The following VDR variants were observed in gnomAD, a reference collection of about 807,000 sequenced individuals.
VDR encodes the protein vitamin D receptor, also known as vitamin D3 receptor.
In VDR, 19 loss-of-function variants were observed where a neutral mutation model predicts 39.7. The observed-to-expected ratio is 0.48, with a 90% CI of 0.33 to 0.70. VDR has a LOEUF of 0.70. VDR is among the 30% of genes least tolerant of loss of function. VDR has a pLI of 0.02. For synonymous variants in VDR, 242 were observed against 215.8 expected (o/e 1.12, Z -1.07); for missense variants, 442 against 570.5 (o/e 0.77, Z 2.29).
rs200296058 is a variant in VDR, at chr12:47,855,665, C to A, written c.720G>T (p.Lys240Asn). The change falls in exon 7 of 10, where the codon AAG becomes AAT. Residue 240 changes from lysine to asparagine, a missense_variant. Physicochemically the swap from Lys to Asn is moderately conservative, Grantham distance 94. Coordinates refer to ENST00000549336, the MANE Select transcript of VDR (RefSeq NM_000376.3). ...LADLVSYSIQ[K>N]VIGFAKMIPG... ...GTATCATCTTAGCAAAGCCAATGAC[C>A]TTTTGGATGCTGTAACTGACCAGGT... The A allele has an allele frequency of 3.7e-5, 60 of 1,614,120 alleles. No individual in the cohort carries two copies. In the African/African-American group the frequency reaches 6.3e-4, roughly 17 times the overall value.
intron 4 of VDR, among the ~76,000 whole-genome samples, chr12:47,859,849 CCTTCCTTCCTTCCTTCTTTCCTTCCTT>C (rs1945572611): frequency 1.6e-5 from 1 of 63,004 alleles, no homozygotes. Flanking sequence ...TCCCTTCCTT[CCTTCCTTCCTTCCTTCTTTCCTTCCTT>C]CCTTCCTTCC....
At chr12:47,876,920 G>T (rs951145107) in intron 3 of VDR, among the ~76,000 whole-genome samples, 2 of 152,088 alleles carry the variant, frequency 1.3e-5, no homozygotes, top group East Asian at 3.9e-4. Context: ...CTGAATCTCA[G>T]GGGGGAGGAG....
intron 3 of VDR, among the ~76,000 whole-genome samples, chr12:47,871,769 A>C (rs1280655000): frequency 1.3e-5 from 2 of 152,200 alleles, no homozygotes; most frequent in African/African-American, 2.4e-5. Flanking sequence ...CCAGCCAGGC[A>C]CTGGTTTCTT....
intron 1 of VDR, among the ~76,000 whole-genome samples, chr12:47,886,338 CTAACT>C: frequency 6.6e-6 from 1 of 152,172 alleles, no homozygotes; most frequent in African/African-American, 2.4e-5. Flanking sequence ...CATGACCTAC[CTAACT>C]TTTTGTCTTC....
Position 47,892,522 on chromosome 12 carries a change from G to C in VDR, c.-83-9748C>G, listed in dbSNP as rs372370299. Reference sequence around the variant, plus strand: ...GACACCCCTGGAGGGCCAGGGATAGGATGTGGCGGCATTTCTTCTTGGCCT... The same window carrying C: ...GACACCCCTGGAGGGCCAGGGATAGCATGTGGCGGCATTTCTTCTTGGCCT... On this transcript the variant is annotated intron_variant, in intron 1 of 9. Coordinates refer to ENST00000549336, the MANE Select transcript of VDR (RefSeq NM_000376.3). 1.8e-4 allele frequency among the ~76,000 whole-genome samples: 28 copies of C among 152,342 alleles called. No homozygotes were observed. The East Asian group carries it at 4.4e-3, about 24-fold the overall frequency.
chr12:47,861,232 G>T (rs1185763664), intron 4 of VDR, among the ~76,000 whole-genome samples: 1 of 152,266 alleles, frequency 6.6e-6, no homozygotes, highest in Non-Finnish European at 1.5e-5. Flanking sequence ...TCTGAAGAGT[G>T]TGAAAATAAA....
intron 3 of VDR, among the ~76,000 whole-genome samples, chr12:47,873,056 C>G (rs1240395363): frequency 1.3e-5 from 2 of 152,210 alleles, no homozygotes; most frequent in Non-Finnish European, 2.9e-5. Flanking sequence ...TGGTTTGGCT[C>G]TGTGTCCCCA....
chr12:47,896,402 T>C (rs891428463), intron 1 of VDR, among the ~76,000 whole-genome samples: 2 of 152,118 alleles, frequency 1.3e-5, no homozygotes, highest in Non-Finnish European at 2.9e-5. Flanking sequence ...ATGTTAGTTA[T>C]TGTGTGGAGC....
chr12:47,891,991 G>A (rs990242882), intron 1 of VDR, among the ~76,000 whole-genome samples: 12 of 151,734 alleles, frequency 7.9e-5, no homozygotes, highest in African/African-American at 2.7e-4. Flanking sequence ...AGGTGGCAGC[G>A]AGAACCGTGG....
rs140501237 is a variant in VDR at position 47,892,771 on chromosome 12, C to T, written c.-83-9997G>A. Among the ~76,000 whole-genome samples, 336 of 152,290 alleles carry T rather than the reference C, an allele frequency of 2.2e-3. 2 individuals carry two copies. Among genetic ancestry groups the T allele is most frequent in the Non-Finnish European group, 4.1e-3 (279 of 68,022 alleles). ...CTCCAATTCAGTACGACACATCCTA[C>T]GATCCAGGTAAGTGCCAGGTCTAGA... On this transcript the variant is annotated intron_variant, in intron 1 of 9. Transcript: ENST00000549336.
intron 3 of VDR, among the ~76,000 whole-genome samples, chr12:47,866,170 C>T (rs909895755): frequency 2.6e-5 from 4 of 151,358 alleles, no homozygotes; most frequent in East Asian, 2.0e-4. Flanking sequence ...TGCAGTGTTG[C>T]GATCTCAGCT....
At chr12:47,890,494 G>A (rs985575439) in intron 1 of VDR, among the ~76,000 whole-genome samples, 6 of 151,842 alleles carry the variant, frequency 4.0e-5, no homozygotes, top group Non-Finnish European at 7.4e-5. Context: ...CACCAGGCAG[G>A]TTACATTCAT....
intron 5 of VDR, 67 bp downstream of exon 5, chr12:47,857,437 C>A: frequency 6.2e-7 from 1 of 1,611,754 alleles, no homozygotes; most frequent in South Asian, 1.1e-5. Flanking sequence ...TGTCCCTACT[C>A]CCTGGGCCCT....
At chr12:47,856,981 G>T in intron 6 of VDR, 148 bp downstream of exon 6, 1 of 1,259,778 alleles carries the variant, frequency 7.9e-7, no homozygotes, top group Non-Finnish European at 1.1e-6. Flanking sequence ...CAGAGGGGCT[G>T]TTGTGAAGAC....
Position 47,846,447 on chromosome 12 carries a change from TC to T in VDR, c.911del (p.Gly304AspfsTer6). On this transcript the variant is annotated frameshift_variant, in exon 9 of 10. Transcript: ENST00000549336. LOFTEE classifies it high-confidence loss of function. ...KYRVSDVTKA[G>X]HSLELIEPLI... ...GGGGCTCAATCAGCTCCAGGCTGTG[TC>T]CGGCTGTGAGAGACAATGGCCAGGT... 6.4e-7 allele frequency: 1 copy of T among 1,564,108 alleles called. No homozygotes were observed. The highest frequency in any genetic ancestry group is 1.9e-5 in the Admixed American group (1 of 52,276).
chr12:47,887,777 G>C (rs1196067619), intron 1 of VDR, among the ~76,000 whole-genome samples: 1 of 152,250 alleles, frequency 6.6e-6, no homozygotes, highest in Non-Finnish European at 1.5e-5. Context: ...CAGCAACGCA[G>C]CTCTAAGAAC....
At chr12:47,870,476 G>A (rs182697518) in intron 3 of VDR, among the ~76,000 whole-genome samples, 1 of 152,308 alleles carries the variant, frequency 6.6e-6, no homozygotes, top group East Asian at 1.9e-4. Context: ...GCTCAGGAAG[G>A]GGGGGTAGGG....
At chr12:47,854,814 T>C (rs906361651) in intron 7 of VDR, among the ~76,000 whole-genome samples, 1 of 152,286 alleles carries the variant, frequency 6.6e-6, no homozygotes, top group African/African-American at 2.4e-5. Context: ...CAAGACAGGC[T>C]GCACTTTCTA....
chr12:47,845,669 G>T (rs1945265762), intron 9 of VDR, among the ~76,000 whole-genome samples: 3 of 152,116 alleles, frequency 2.0e-5, no homozygotes, highest in Admixed American at 6.5e-5. Flanking sequence ...TTGCTAAGTG[G>T]ATGAATGAAT....
Sources: allele counts gnomAD v4.1 joint callset (sites outside exome capture counted in the v4.1 genomes callset), GRCh38; gene constraint gnomAD v4.1.1; transcripts MANE v1.5; gene names NCBI Gene and HGNC (gene_info 2026-07-23, HGNC 2026-07-21).